Variants in OGFR observed in about 807,000 individuals in gnomAD.
OGFR encodes protein 7-60.
Under a neutral mutation model 33.6 loss-of-function variants are expected in OGFR, and 18 were observed. That is an observed-to-expected ratio of 0.54 (90% CI 0.37 to 0.80). The LOEUF (loss-of-function observed/expected upper bound fraction) is 0.80, where lower values mean the gene tolerates loss of function less well. Among genes scored for constraint, OGFR ranks in the 30% least tolerant of loss-of-function variants. The pLI is 0.00. For missense variants in OGFR, 877 were observed against 955.8 expected, an observed-to-expected ratio of 0.92 and a Z score of 1.09; for synonymous variants, 370 against 400.7, an observed-to-expected ratio of 0.92 and a Z score of 0.91.
rs1012324937 is a variant in OGFR, at chr20:62,813,792, T to C, written c.*143T>C. The stretch of plus-strand genomic sequence containing the variant: ...CAGTGCTGGCCTCCTGTGGGGCCAC[T>C]ATAGCAGCCACCAGAAGCCGCGAGG... On this transcript the variant is annotated 3_prime_UTR_variant, in exon 7 of 7. Transcript: ENST00000290291. The C allele has an allele frequency of 1.0e-6, 1 of 985,632 alleles. No homozygotes were observed. The highest frequency in any genetic ancestry group is 1.5e-6 in the Non-Finnish European group (1 of 656,916). 61.1% of individuals were successfully genotyped at this position (985,632 alleles called of 1,614,324 possible).
chr20:62,808,068 C>T, intron 2 of OGFR, 179 bp from the exon 3 acceptor site: 1 of 674,108 alleles, frequency 1.5e-6, no homozygotes, highest in South Asian at 1.6e-5. Flanking sequence ...GTCCCTGGGG[C>T]TTGGAGGCAG....
At position 62,811,560 on chromosome 20, in the gene OGFR, C is replaced by T; in HGVS notation, c.564C>T (p.Gly188=). The T allele has an allele frequency of 6.2e-7, 1 of 1,605,276 alleles. No homozygotes were observed. The highest frequency in any genetic ancestry group is 1.7e-5 in the Admixed American group (1 of 59,110). ...YGIRLEDRGT[G]TVGRAQNYQK... is the part of the protein sequence containing the mutation. Reference sequence around the variant, plus strand: ...TCCGGCTGGAGGACCGAGGCACGGGCACGGTGGGCCGAGCACAGAACTACC... The same window carrying T: ...TCCGGCTGGAGGACCGAGGCACGGGTACGGTGGGCCGAGCACAGAACTACC... Residue 188 remains glycine (G), a synonymous_variant, in exon 6 of 7, where the codon GGC becomes GGT. Coordinates refer to ENST00000290291, the MANE Select transcript of OGFR (RefSeq NM_007346.4).
rs1475358598 is a variant in OGFR at position 62,807,541 on chromosome 20, G to A, written c.176G>A (p.Arg59Lys). Reference sequence around the variant, plus strand: ...TCCCATCTCTTTTCTTCCCAGTCCAGAATGACAGGGTCCAGAAACTGGCGA... The same window carrying A: ...TCCCATCTCTTTTCTTCCCAGTCCAAAATGACAGGGTCCAGAAACTGGCGA... The part of the protein sequence containing the change: ...RAARPSSFQS[R>K]MTGSRNWRAT... Residue 59 changes from arginine to lysine, a missense_variant, in exon 2 of 7, where the codon AGA (arginine) becomes AAA (lysine). Arg to Lys is a conservative substitution (Grantham distance 26). Around this residue, in one of 3 missense-constraint regions of OGFR, gnomAD observed 760 missense variants for 736.0 expected, o/e 1.03. Coordinates refer to ENST00000290291, the MANE Select transcript of OGFR (RefSeq NM_007346.4). 4 of 1,612,734 alleles carry A rather than the reference G, an allele frequency of 2.5e-6. No individual in the cohort carries two copies. The East Asian group carries it at 8.9e-5, about 36-fold the overall frequency.
chr20:62,810,437 A>C, intron 4 of OGFR, 62 bp from the exon 5 acceptor site: 1 of 1,541,180 alleles, frequency 6.5e-7, no homozygotes. Context: ...CACAGCGAGC[A>C]CCTGCCCAAG....
At position 62,812,360 on chromosome 20, in the gene OGFR, G is replaced by A. The variant is rs1054985069; in HGVS notation, c.745G>A (p.Val249Met). 6 of 1,562,626 alleles carry A rather than the reference G, an allele frequency of 3.8e-6. No individual in the cohort carries two copies. In the African/African-American group the frequency reaches 8.2e-5, roughly 21 times the overall value. ...ETLVRRELPG[V>M]RQSALDYFMF... ...GCTGGTGCGGCGGGAGCTGCCGGGG[G>A]TGCGGCAGAGTGCCCTGGACTACTT... The change falls in exon 7 of 7, where the codon GTG (valine) becomes ATG (methionine). Residue 249 changes from valine to methionine, a missense_variant. By Grantham distance (21) the Val-to-Met change is conservative. This residue lies in a region of OGFR where 760 missense variants were observed against 736.0 expected (regional missense o/e 1.03). Transcript: ENST00000290291.
Position 62,812,462 on chromosome 20 carries a change from A to T in OGFR, c.847A>T (p.Lys283Ter). The T allele has an allele frequency of 6.3e-7, 1 of 1,580,152 alleles. No individual in the cohort carries two copies. The highest frequency in any genetic ancestry group is 8.6e-7 in the Non-Finnish European group (1 of 1,163,408). The part of the protein sequence containing the change: ...FAWEHFRPRC[K>*]FVWGPQDKLR... ...CTGGGAGCACTTCCGGCCCCGCTGC[A>T]AGTTCGTCTGGGGGCCCCAAGACAA... The change falls in exon 7 of 7, where the codon AAG becomes TAG. Residue 283 changes from lysine to a stop codon, truncating the protein, a stop_gained. Transcript: ENST00000290291. LOFTEE classifies it low-confidence loss of function (END_TRUNC).
chr20:62,809,669 T>C lies in OGFR; in HGVS notation c.398+6T>C, dbSNP rs1251641759. The C allele has an allele frequency of 3.8e-6, 6 of 1,589,106 alleles. No individual in the cohort carries two copies. The Admixed American group carries it at 6.7e-5, about 18-fold the overall frequency. On this transcript the variant is annotated splice_donor_region_variant and intron_variant, in intron 4 of 6. Coordinates refer to ENST00000290291, the MANE Select transcript of OGFR (RefSeq NM_007346.4). ...AATCACTCCTACATCCAGTGGTGAG[T>C]TGGGGAGGATGGGGGGATGGGGGGT...
At chr20:62,809,771 C>T in intron 4 of OGFR, 108 bp downstream of exon 4, 1 of 831,854 alleles carries the variant, frequency 1.2e-6, no homozygotes, top group Non-Finnish European at 2.1e-6. Flanking sequence ...CTGAGCACTC[C>T]CTGCCCTTCC....
chr20:62,811,414 C>T (rs775498898), intron 5 of OGFR, 48 bp from the exon 6 acceptor site: 147 of 1,598,712 alleles, frequency 9.2e-5, no homozygotes, highest in Non-Finnish European at 1.1e-4. Context: ...ACTCAGGAAC[C>T]GGGGCTTCAG....
In OGFR at chr20:62,810,562, C is replaced by G. The variant is rs768880230; in HGVS notation, c.462C>G (p.Val154=). 2 of 1,612,374 alleles carry G rather than the reference C, an allele frequency of 1.2e-6. No homozygotes were observed. The highest frequency in any genetic ancestry group is 2.7e-5 in the African/African-American group (2 of 74,908). The change falls in exon 5 of 7, where the codon GTC becomes GTG. Residue 154 remains valine (V), a synonymous_variant. Coordinates refer to ENST00000290291, the MANE Select transcript of OGFR (RefSeq NM_007346.4). ...CCAAGCCCCTCACGCTCAGGGAGGTCGAGGTGAGCCAGGCCTTGGCTGTGA... is the reference window on the plus strand; with the variant it reads ...CCAAGCCCCTCACGCTCAGGGAGGTGGAGGTGAGCCAGGCCTTGGCTGTGA... ...WHAKPLTLRE[V]EVFKSSQEIQ...
chr20:62,811,416 G>A (rs1479167733), intron 5 of OGFR, 46 bp from the exon 6 acceptor site: 5 of 1,601,042 alleles, frequency 3.1e-6, no homozygotes, highest in South Asian at 1.1e-5. Flanking sequence ...TCAGGAACCG[G>A]GGCTTCAGGG....
intron 2 of OGFR, chr20:62,808,013 G>A (rs1990635937): frequency 3.3e-6 from 2 of 615,354 alleles, no homozygotes; most frequent in African/African-American, 3.7e-5. Flanking sequence ...GTGCTGAGGA[G>A]GGGACCTGCC....
rs886322681 is a variant in OGFR, at chr20:62,811,554, C to G, written c.558C>G (p.Gly186=). The change falls in exon 6 of 7, where the codon GGC becomes GGG. Residue 186 remains glycine (G), a synonymous_variant. Coordinates refer to ENST00000290291, the MANE Select transcript of OGFR (RefSeq NM_007346.4). ...GFYGIRLEDR[G]TGTVGRAQNY... is the part of the protein sequence containing the mutation. ...ACGGGATCCGGCTGGAGGACCGAGG[C>G]ACGGGCACGGTGGGCCGAGCACAGA... 8 of 1,606,508 alleles carry G rather than the reference C, an allele frequency of 5.0e-6. No individual in the cohort carries two copies. Among genetic ancestry groups the G allele is most frequent in the Admixed American group, 3.4e-5 (2 of 59,236 alleles).
At position 62,809,681 on chromosome 20, in the gene OGFR, G is replaced by A. The variant is rs764909649; in HGVS notation, c.398+18G>A. 7 of 1,584,494 alleles carry A rather than the reference G, an allele frequency of 4.4e-6. No individual in the cohort carries two copies. The highest frequency in any genetic ancestry group is 6.1e-6 in the Non-Finnish European group (7 of 1,155,512). On this transcript the variant is annotated intron_variant, in intron 4 of 6. Coordinates refer to ENST00000290291, the MANE Select transcript of OGFR (RefSeq NM_007346.4). ...ATCCAGTGGTGAGTTGGGGAGGATG[G>A]GGGGATGGGGGGTTGGCGAGGCCAC...
At position 62,811,510 on chromosome 20, in the gene OGFR, G is replaced by C; in HGVS notation, c.514G>C (p.Glu172Gln). 1.9e-6 allele frequency: 3 copies of C among 1,608,430 alleles called. No individual in the cohort carries two copies. Among genetic ancestry groups the C allele is most frequent in the Non-Finnish European group, 2.5e-6 (3 of 1,178,304 alleles). The change falls in exon 6 of 7, where the codon GAG becomes CAG. Residue 172 changes from glutamate to glutamine, a missense_variant. By Grantham distance (29) the Glu-to-Gln change is conservative. Transcript: ENST00000290291. ...EIQERLVRAY[E>Q]LMLGFYGIRL... ...CCAGGAGCGGCTTGTCCGGGCCTAC[G>C]AGCTCATGCTGGGCTTCTACGGGAT...
Position 62,812,343 on chromosome 20 carries a change from G to T in OGFR, c.728G>T (p.Arg243Leu), listed in dbSNP as rs370243342. The change falls in exon 7 of 7, where the codon CGG becomes CTG. Residue 243 changes from arginine to leucine, a missense_variant. Physicochemically the swap from Arg to Leu is moderately radical, Grantham distance 102. Coordinates refer to ENST00000290291, the MANE Select transcript of OGFR (RefSeq NM_007346.4). The stretch of plus-strand genomic sequence containing the variant: ...TTCTTCCTGGAGGAGACGCTGGTGC[G>T]GCGGGAGCTGCCGGGGGTGCGGCAG... ...VRFFLEETLVRRELPGVRQSA... is the reference protein window; with the variant it reads ...VRFFLEETLVLRELPGVRQSA... 6.4e-6 allele frequency: 10 copies of T among 1,562,572 alleles called. No individual in the cohort carries two copies. The highest frequency in any genetic ancestry group is 1.7e-4 in the Middle Eastern group (1 of 5,942).
rs776170109 is a variant in OGFR at position 62,809,628 on chromosome 20, T to C, written c.363T>C (p.Tyr121=). 8 of 1,599,256 alleles carry C rather than the reference T, an allele frequency of 5.0e-6. No homozygotes were observed. The highest frequency in any genetic ancestry group is 4.3e-6 in the Non-Finnish European group (5 of 1,171,256). Reference sequence around the variant, plus strand: ...TTCTTCAGAACTGGACGGACAACTATGACCTCCTTGAGGACAATCACTCCT... The same window carrying C: ...TTCTTCAGAACTGGACGGACAACTACGACCTCCTTGAGGACAATCACTCCT... ...EDILQNWTDN[Y]DLLEDNHSYI... Residue 121 remains tyrosine, a synonymous_variant, in exon 4 of 7, where the codon TAT becomes TAC. Coordinates refer to ENST00000290291, the MANE Select transcript of OGFR (RefSeq NM_007346.4).
Position 62,813,898 on chromosome 20 carries a change from C to G in OGFR, c.*249C>G, listed in dbSNP as rs1990812422. 2 of 586,136 alleles carry G rather than the reference C, an allele frequency of 3.4e-6. No individual in the cohort carries two copies. Among genetic ancestry groups the G allele is most frequent in the Admixed American group, 3.1e-5 (1 of 32,728 alleles). The allele number at this position is 586,136 out of a possible 1,614,324, so 36.3% of individuals were successfully genotyped here. A position where few individuals can be genotyped will look rare whatever the true frequency, so the allele number is the denominator to read the frequency against. On this transcript the variant is annotated 3_prime_UTR_variant, in exon 7 of 7. Transcript: ENST00000290291. ...ACCCAGCTCTCCCCTGCGCCCCTGT[C>G]TTTGTAAATTGACCCTTCTGGAGTG...
rs1259434840 is a variant in OGFR, at chr20:62,813,624, C to T, written c.2009C>T (p.Ser670Phe). 1 of 1,612,724 alleles carries T rather than the reference C, an allele frequency of 6.2e-7. No individual in the cohort carries two copies. Among genetic ancestry groups the T allele is most frequent in the East Asian group, 2.2e-5 (1 of 44,862 alleles). Residue 670 changes from serine (S) to phenylalanine (F), a missense_variant, in exon 7 of 7, where the codon TCT becomes TTT. Physicochemically the swap from Ser to Phe is radical, Grantham distance 155 (BLOSUM62 -2). Around this residue, in one of 3 missense-constraint regions of OGFR, gnomAD observed 45 missense variants for 38.0 expected, o/e 1.19. Coordinates refer to ENST00000290291, the MANE Select transcript of OGFR (RefSeq NM_007346.4). ...GAGTTGCAGGACGCAGAGGTGGAGT[C>T]TTCTGCCAAGTCTGGGAAGCCTTAA... Reference protein sequence around the residue: ...AAELQDAEVESSAKSGKP With the variant: ...AAELQDAEVEFSAKSGKP
Sources: gnomAD v4.1 joint callset for allele counts on GRCh38, gnomAD v4.1.1 for gene constraint, gnomAD v4.1.1 regional missense constraint, MANE v1.5 for transcripts, NCBI Gene and HGNC (gene_info 2026-07-23, HGNC 2026-07-21) for gene names.